ANAPC1: variants seen among roughly 807,000 people sequenced by gnomAD.
The protein encoded by ANAPC1 is anaphase promoting complex subunit 1.
A neutral mutation model predicts 208.0 loss-of-function variants in ANAPC1; 36 were observed. The ratio of observed to expected loss-of-function variants is 0.17; its 90% confidence interval spans 0.13 to 0.23. ANAPC1 has a LOEUF of 0.23. Among genes scored for constraint, ANAPC1 ranks in the 10% least tolerant of loss-of-function variants. The pLI is 1.00. For missense variants in ANAPC1, 942 were observed against 2,011.6 expected, an observed-to-expected ratio of 0.47 and a Z score of 10.17; for synonymous variants, 378 against 695.2, an observed-to-expected ratio of 0.54 and a Z score of 7.18.
rs538620235 is a variant in ANAPC1 at position 111,864,737 on chromosome 2, A to G, written c.831+69T>C. On this transcript the variant is annotated intron_variant, in intron 8 of 47. Coordinates refer to ENST00000341068, the MANE Select transcript of ANAPC1 (RefSeq NM_022662.4). Reference sequence around the variant, plus strand: ...CTTGGCCTCCCAAAATGCTAGGATTACAGGTGTGAGCCAGTGCACCCAGCC... The same window carrying G: ...CTTGGCCTCCCAAAATGCTAGGATTGCAGGTGTGAGCCAGTGCACCCAGCC... 2.1e-4 allele frequency: 334 copies of G among 1,601,980 alleles called. 2 individuals are homozygous for G. The African/African-American group carries it at 3.6e-3, about 17-fold the overall frequency.
chr2:111,792,911 C>T (rs1230646939), intron 37 of ANAPC1, among the ~76,000 whole-genome samples: 2 of 152,068 alleles, frequency 1.3e-5, no homozygotes, highest in South Asian at 2.1e-4. Flanking sequence ...CGAGATCGCG[C>T]CACTGCACTC....
chr2:111,852,629 T>C (rs565975418), intron 13 of ANAPC1, among the ~76,000 whole-genome samples: 17 of 152,320 alleles, frequency 1.1e-4, no homozygotes, highest in African/African-American at 4.1e-4. Context: ...ATGATTTCTC[T>C]GCATCTATTT....
chr2:111,828,698 G>C (rs1679967977), intron 21 of ANAPC1, among the ~76,000 whole-genome samples: 1 of 152,152 alleles, frequency 6.6e-6, no homozygotes, highest in Admixed American at 6.5e-5. Flanking sequence ...CAGACACAGA[G>C]AGATAAATAT....
intron 23 of ANAPC1, 40 bp downstream of exon 23, chr2:111,825,091 T>C (rs1248244940): frequency 1.2e-6 from 2 of 1,613,800 alleles, no homozygotes; most frequent in Non-Finnish European, 1.7e-6. Context: ...AATATTGTTT[T>C]AAGTGTTTGA....
chr2:111,856,218 G>C (rs1312827627), intron 13 of ANAPC1, among the ~76,000 whole-genome samples: 2 of 152,256 alleles, frequency 1.3e-5, no homozygotes, highest in Non-Finnish European at 1.5e-5. Context: ...CTGGGCAACA[G>C]AGCGAGACTC....
rs182422795 is a variant in ANAPC1 at position 111,843,450 on chromosome 2, T to C, written c.2002A>G (p.Met668Val). The C allele has an allele frequency of 1.2e-5, 19 of 1,611,992 alleles. No individual in the cohort carries two copies. In the Admixed American group the frequency reaches 2.5e-4, roughly 21 times the overall value. Residue 668 changes from methionine to valine, a missense_variant, in exon 17 of 48, where the codon ATG becomes GTG. By Grantham distance (21) the Met-to-Val change is conservative. Transcript: ENST00000341068. ...NLFVTCLMNM[M>V]GYNTDRLAWT... ...GCTAAGCGGTCTGTGTTATAACCCA[T>C]CATGTTCATGAGACAAGTCACAAAT...
chr2:111,875,771 A>C lies in ANAPC1; in HGVS notation c.376-2107T>G, dbSNP rs550599312. ...TGCCAGCATCCACTTGCATCTCTCC[A>C]CACCCACACTTCGTGTACAGCCATT... is the stretch of plus-strand genomic sequence containing the variant. On this transcript the variant is annotated intron_variant, in intron 3 of 47. Coordinates refer to ENST00000341068, the MANE Select transcript of ANAPC1 (RefSeq NM_022662.4). 1.1e-4 allele frequency among the ~76,000 whole-genome samples: 17 copies of C among 152,266 alleles called. No homozygotes were observed. In the South Asian group the frequency reaches 1.2e-3, roughly 11 times the overall value.
At chr2:111,827,671 C>G (rs1413450988) in intron 21 of ANAPC1, among the ~76,000 whole-genome samples, 1 of 152,088 alleles carries the variant, frequency 6.6e-6, no homozygotes, top group Non-Finnish European at 1.5e-5. Flanking sequence ...GGAAGGACTG[C>G]TTGAGCCCCG....
chr2:111,853,310 G>A (rs565594462), intron 13 of ANAPC1, among the ~76,000 whole-genome samples: 201 of 152,254 alleles, frequency 1.3e-3, no homozygotes, highest in Middle Eastern at 3.4e-3. Context: ...TCTGTTATTT[G>A]TGTTAGACCA....
At chr2:111,863,965 G>C (rs1682244430) in intron 8 of ANAPC1, 70 bp from the exon 9 acceptor site, 4 of 1,477,948 alleles carry the variant, frequency 2.7e-6, no homozygotes. Context: ...CAATTTCCTT[G>C]TAAGAATGCA....
At position 111,853,154 on chromosome 2, in the gene ANAPC1, TAG is replaced by T. The variant is rs1353366527; in HGVS notation, c.1516-2246_1516-2245del. Among the ~76,000 whole-genome samples the T allele has an allele frequency of 3.3e-5, 5 of 152,332 alleles. No homozygotes were observed. The South Asian group carries it at 1.0e-3, about 32-fold the overall frequency. On this transcript the variant is annotated intron_variant, in intron 13 of 47. Coordinates refer to ENST00000341068, the MANE Select transcript of ANAPC1 (RefSeq NM_022662.4). ...CTGGTCATTTTTTTTTCCCACTTTA[TAG>T]AGACTCCAGCTATCTTCTGATTACT...
chr2:111,868,354 G>C (rs1682549531), intron 6 of ANAPC1, among the ~76,000 whole-genome samples: 1 of 152,194 alleles, frequency 6.6e-6, no homozygotes, highest in Non-Finnish European at 1.5e-5. Flanking sequence ...TCTGCAAACA[G>C]CAGTCATCAC....
chr2:111,869,830 T>C (rs1163998300), intron 6 of ANAPC1, among the ~76,000 whole-genome samples: 1 of 152,214 alleles, frequency 6.6e-6, no homozygotes, highest in Non-Finnish European at 1.5e-5. Flanking sequence ...GTGTATGTTG[T>C]ATGCAATATG....
intron 9 of ANAPC1, among the ~76,000 whole-genome samples, 164 bp downstream of exon 9, chr2:111,863,511 C>CAAAAAAA: frequency 8.2e-6 from 1 of 122,570 alleles, no homozygotes; most frequent in Non-Finnish European, 1.7e-5. Flanking sequence ...GACTCCGTCT[C>CAAAAAAA]AAAAAAAAAA....
At chr2:111,854,739 G>A (rs910149042) in intron 13 of ANAPC1, among the ~76,000 whole-genome samples, 12 of 152,142 alleles carry the variant, frequency 7.9e-5, no homozygotes, top group East Asian at 1.9e-4. Flanking sequence ...TTTCTTGGCC[G>A]TCACAGAATT....
intron 38 of ANAPC1, among the ~76,000 whole-genome samples, chr2:111,788,783 G>A (rs1320783200): frequency 6.6e-6 from 1 of 151,540 alleles, no homozygotes; most frequent in Non-Finnish European, 1.5e-5. Context: ...TTCTGTTTCT[G>A]TGAAGCATGA....
chr2:111,766,756 C>T (rs1676481917), downstream of ANAPC1: 2 of 334,750 alleles, frequency 6.0e-6, no homozygotes. Context: ...ACCCTGGCCT[C>T]CCATCAAGTG....
rs1679272176 is a variant in ANAPC1, at chr2:111,817,017, ACACGAGAGAAAATAAAATG to A, written c.3326-1395_3326-1377del. Among the ~76,000 whole-genome samples the A allele has an allele frequency of 3.2e-5, 3 of 92,904 alleles. No homozygotes were observed. In the South Asian group the frequency reaches 1.2e-3, roughly 37 times the overall value. 60.9% of individuals were successfully genotyped at this position (92,904 alleles called of 152,430 possible). A position where few individuals can be genotyped will look rare whatever the true frequency, so the allele number is the denominator to read the frequency against. On this transcript the variant is annotated intron_variant, in intron 27 of 47. Transcript: ENST00000341068. The stretch of plus-strand genomic sequence containing the variant: ...CATATGCAAGAGACATAATATTTAT[ACACGAGAGAAAATAAAATG>A]CAAAGGGTAAGGTAAATTTTCTTCA...
intron 46 of ANAPC1, among the ~76,000 whole-genome samples, chr2:111,773,243 G>T (rs1288273207): frequency 6.6e-6 from 1 of 152,004 alleles, no homozygotes; most frequent in Non-Finnish European, 1.5e-5. Context: ...TCCAGGGAAA[G>T]AAATTCCCTC....
Sources: gnomAD v4.1 joint callset for allele counts (sites outside exome capture counted in the v4.1 genomes callset) on GRCh38, gnomAD v4.1.1 for gene constraint, MANE v1.5 for transcripts, NCBI Gene and HGNC (gene_info 2026-07-23, HGNC 2026-07-21) for gene names.